Variants in ZNF8 observed in about 807,000 individuals in gnomAD.
The protein encoded by ZNF8 is zinc finger protein 272.
Under a neutral mutation model 12.2 loss-of-function variants are expected in ZNF8, and 9 were observed. The ratio of observed to expected loss-of-function variants is 0.73; its 90% confidence interval spans 0.44 to 1.28. The LOEUF (loss-of-function observed/expected upper bound fraction) is 1.28, where lower values mean the gene tolerates loss of function less well. Among genes scored for constraint, ZNF8 ranks in the 50% most tolerant of loss-of-function variants. The pLI is 0.00. For synonymous variants in ZNF8, 274 were observed against 282.3 expected (o/e 0.97, Z 0.30); for missense variants, 664 against 729.1 (o/e 0.91, Z 1.03).
chr19:58,295,474 A>G lies in ZNF8; in HGVS notation c.1666A>G (p.Ile556Val), dbSNP rs763949918. The change falls in exon 4 of 4, where the codon ATT becomes GTT. Residue 556 changes from isoleucine (I) to valine (V), a missense_variant. Around this residue, in one of 3 missense-constraint regions of ZNF8, gnomAD observed 225 missense variants for 222.0 expected, o/e 1.01. Coordinates refer to ENST00000621650, the MANE Select transcript of ZNF8 (RefSeq NM_021089.3). ...IMQEKNPVHV[I>V]GVEEPSVGAS... ...GCAAGAGAAAAACCCTGTGCACGTT[A>G]TTGGGGTGGAAGAGCCTTCTGTGGG... The G allele has an allele frequency of 1.2e-6, 2 of 1,612,758 alleles. No homozygotes were observed. The highest frequency in any genetic ancestry group is 3.3e-5 in the Admixed American group (2 of 59,968).
chr19:58,285,819 A>G lies in ZNF8; in HGVS notation c.169A>G (p.Thr57Ala), dbSNP rs572894287. 2 of 1,612,912 alleles carry G rather than the reference A, an allele frequency of 1.2e-6. No individual in the cohort carries two copies. The highest frequency in any genetic ancestry group is 1.7e-5 in the Admixed American group (1 of 59,912). The change falls in exon 2 of 4, where the codon ACC becomes GCC. Residue 57 changes from threonine (T) to alanine (A), a missense_variant. Transcript: ENST00000621650. ...CCTCTACCGTGACGTGATGCTGGAG[A>G]CCTTTGGTCACCTGCTCTCCATAGG... ...RILYRDVMLETFGHLLSIGPE... is the reference protein window; with the variant it reads ...RILYRDVMLEAFGHLLSIGPE...
In ZNF8 at chr19:58,291,689, C is replaced by G. The variant is rs148174919; in HGVS notation, c.290-2409C>G. ...AAGTCTTGAGAGATGGATGCCAGTG[C>G]CAGGCAGTGATGAGGCCGTAAAGGA... On this transcript the variant is annotated intron_variant, in intron 3 of 3. Coordinates refer to ENST00000621650, the MANE Select transcript of ZNF8 (RefSeq NM_021089.3). 3.1e-4 allele frequency among the ~76,000 whole-genome samples: 47 copies of G among 152,236 alleles called. No individual in the cohort carries two copies. The East Asian group carries it at 8.5e-3, about 27-fold the overall frequency.
At chr19:58,282,235 G>A (rs2051354780) in intron 1 of ZNF8, among the ~76,000 whole-genome samples, 1 of 152,144 alleles carries the variant, frequency 6.6e-6, no homozygotes, top group African/African-American at 2.4e-5. Flanking sequence ...TAATGATGTT[G>A]AACATCTTTT....
In ZNF8 at chr19:58,301,519, C is replaced by T. The variant is rs2051491410; in HGVS notation, c.*5983C>T. ...AGTTTGGGGCACAGGCTTGGGAATCCAGACAGGAAAGCTCCTCCCCTCTGA... is the reference window on the plus strand; with the variant it reads ...AGTTTGGGGCACAGGCTTGGGAATCTAGACAGGAAAGCTCCTCCCCTCTGA... On this transcript the variant is annotated 3_prime_UTR_variant, in exon 4 of 4. Transcript: ENST00000621650. 2.0e-5 allele frequency: 3 copies of T among 152,384 alleles called. No homozygotes were observed. The highest frequency in any genetic ancestry group is 2.0e-4 in the Admixed American group (3 of 15,278). The allele number at this position is 152,384 out of a possible 1,614,324, so 9.4% of individuals were successfully genotyped here.
chr19:58,286,177 G>A lies in ZNF8; in HGVS notation c.261G>A (p.Glu87=). 1 of 1,612,890 alleles carries A rather than the reference G, an allele frequency of 6.2e-7. No individual in the cohort carries two copies. The highest frequency in any genetic ancestry group is 1.3e-5 in the African/African-American group (1 of 74,680). ...LEQGTELWVA[E]RGTTQGCHPA... ...AAGGGACCGAGCTATGGGTGGCTGA[G>A]AGAGGAACCACCCAGGGCTGCCATC... Residue 87 remains glutamate (E), a synonymous_variant, in exon 3 of 4, where the codon GAG becomes GAA. Coordinates refer to ENST00000621650, the MANE Select transcript of ZNF8 (RefSeq NM_021089.3).
At chr19:58,286,031 G>T in intron 2 of ZNF8, 79 bp from the exon 3 acceptor site, 3 of 1,495,044 alleles carry the variant, frequency 2.0e-6, no homozygotes, top group East Asian at 4.6e-5. Flanking sequence ...CCTCACAGTC[G>T]GGAGTCTGGT....
In ZNF8 at chr19:58,295,654, A is replaced by C. The variant is rs2051450214; in HGVS notation, c.*118A>C. 1.2e-5 allele frequency: 11 copies of C among 935,040 alleles called. No homozygotes were observed. In the South Asian group the frequency reaches 1.7e-4, roughly 14 times the overall value. 57.9% of individuals were successfully genotyped at this position (935,040 alleles called of 1,614,324 possible). Reference sequence around the variant, plus strand: ...TGTCATGGGTGACTTCTGACTTTCTAAGGAAATGATGCTTCCCAAGCACCC... The same window carrying C: ...TGTCATGGGTGACTTCTGACTTTCTCAGGAAATGATGCTTCCCAAGCACCC... On this transcript the variant is annotated 3_prime_UTR_variant, in exon 4 of 4. Transcript: ENST00000621650.
At chr19:58,281,898 A>T (rs1180861250) in intron 1 of ZNF8, among the ~76,000 whole-genome samples, 2 of 152,170 alleles carry the variant, frequency 1.3e-5, no homozygotes, top group Non-Finnish European at 1.5e-5. Context: ...GGATCACTTC[A>T]GGTTAGGAGT....
rs918102665 is a variant in ZNF8 at position 58,301,760 on chromosome 19, G to A, written c.*6224G>A. The A allele has an allele frequency of 3.3e-5, 5 of 152,176 alleles. No homozygotes were observed. The highest frequency in any genetic ancestry group is 7.4e-5 in the Non-Finnish European group (5 of 68,026). The allele number at this position is 152,176 out of a possible 1,614,324, so 9.4% of individuals were successfully genotyped here. On this transcript the variant is annotated 3_prime_UTR_variant, in exon 4 of 4. Transcript: ENST00000621650. ...AATCAACTGGAACTCAACAAGCCTTGAGTTCTCAAAGGGGGTGTGGGAAGG... is the reference window on the plus strand; with the variant it reads ...AATCAACTGGAACTCAACAAGCCTTAAGTTCTCAAAGGGGGTGTGGGAAGG...
In ZNF8 at chr19:58,295,836, G is replaced by A. The variant is rs1421252217; in HGVS notation, c.*300G>A. The A allele has an allele frequency of 6.3e-6, 2 of 319,972 alleles. No homozygotes were observed. Among genetic ancestry groups the A allele is most frequent in the Non-Finnish European group, 1.1e-5 (2 of 174,464 alleles). 19.8% of individuals were successfully genotyped at this position (319,972 alleles called of 1,614,324 possible). On this transcript the variant is annotated 3_prime_UTR_variant, in exon 4 of 4. Coordinates refer to ENST00000621650, the MANE Select transcript of ZNF8 (RefSeq NM_021089.3). ...TCAATATGCGGCCCCATTTTGTAAA[G>A]GATCATTAAAATGAAAGTAATTTAT...
Position 58,294,135 on chromosome 19 carries a change from G to C in ZNF8, c.327G>C (p.Lys109Asn). 6.2e-7 allele frequency: 1 copy of C among 1,607,566 alleles called. No individual in the cohort carries two copies. The highest frequency in any genetic ancestry group is 1.3e-5 in the African/African-American group (1 of 74,924). ...GATCTGAAAGCCAAGCATCACGCAA[G>C]GAAGAGGGCCTGCCTGAAGAGGAGC... ...EPRSESQASR[K>N]EEGLPEEEPS... The change falls in exon 4 of 4, where the codon AAG becomes AAC. Residue 109 changes from lysine to asparagine, a missense_variant. This residue lies in a region of ZNF8 where 306 missense variants were observed against 308.7 expected (regional missense o/e 0.99). Transcript: ENST00000621650. This position sits in a 1 kb window ranked among gnomAD's most constrained non-coding sequence, Gnocchi z 5.5.
chr19:58,289,591 C>T (rs1345183063), intron 3 of ZNF8, among the ~76,000 whole-genome samples: 1 of 151,964 alleles, frequency 6.6e-6, no homozygotes, highest in Admixed American at 6.6e-5. Context: ...CCTCTGACGG[C>T]GCCCAGAGAG....
At chr19:58,287,865 C>CTTTTTTTTTT (rs35762006) in intron 3 of ZNF8, among the ~76,000 whole-genome samples, 1 of 115,678 alleles carries the variant, frequency 8.6e-6, no homozygotes, top group Non-Finnish European at 1.7e-5. Context: ...TTCTTTCTTC[C>CTTTTTTTTTT]TTTTTTTTTT....
rs926306576 is a variant in ZNF8 at position 58,298,413 on chromosome 19, C to T, written c.*2877C>T. 1 of 152,336 alleles carries T rather than the reference C, an allele frequency of 6.6e-6. No individual in the cohort carries two copies. Among genetic ancestry groups the T allele is most frequent in the African/African-American group, 2.4e-5 (1 of 41,412 alleles). 9.4% of individuals were successfully genotyped at this position (152,336 alleles called of 1,614,324 possible). On this transcript the variant is annotated 3_prime_UTR_variant, in exon 4 of 4. Coordinates refer to ENST00000621650, the MANE Select transcript of ZNF8 (RefSeq NM_021089.3). ...AATCTTGGCTCACTGCAACCTCCGC[C>T]TCCCGGGTTCAAGCAGTTCTCATGC...
At chr19:58,290,588 C>T (rs2051413646) in intron 3 of ZNF8, among the ~76,000 whole-genome samples, 1 of 151,890 alleles carries the variant, frequency 6.6e-6, no homozygotes, top group Admixed American at 6.6e-5. Flanking sequence ...AAGAAGACCG[C>T]GTCTCTACAA....
chr19:58,290,842 A>G (rs1045668362), intron 3 of ZNF8, among the ~76,000 whole-genome samples: 1 of 152,132 alleles, frequency 6.6e-6, no homozygotes, highest in Non-Finnish European at 1.5e-5. Flanking sequence ...CTTGAGTCCA[A>G]GAGTTCAAGA....
rs2051443648 is a variant in ZNF8 at position 58,294,936 on chromosome 19, A to C, written c.1128A>C (p.Lys376Asn). ...CATACACCTGCAGTGTGTGTGGGAA[A>C]TCCTTCTCTCGGACCACTTGCCTTT... Reference protein sequence around the residue: ...EKPYTCSVCGKSFSRTTCLFL... With the variant: ...EKPYTCSVCGNSFSRTTCLFL... The change falls in exon 4 of 4, where the codon AAA (lysine) becomes AAC (asparagine). Residue 376 changes from lysine (K) to asparagine (N), a missense_variant. By Grantham distance (94) the Lys-to-Asn change is moderately conservative (BLOSUM62 0). Transcript: ENST00000621650. This position sits in a 1 kb window ranked among gnomAD's most constrained non-coding sequence, Gnocchi z 5.5. The C allele has an allele frequency of 6.2e-7, 1 of 1,613,994 alleles. No individual in the cohort carries two copies. Among genetic ancestry groups the C allele is most frequent in the Non-Finnish European group, 8.5e-7 (1 of 1,180,022 alleles).
chr19:58,285,462 G>C (rs1452968991), intron 1 of ZNF8, among the ~76,000 whole-genome samples: 1 of 152,268 alleles, frequency 6.6e-6, no homozygotes, highest in Admixed American at 6.5e-5. Flanking sequence ...TGGTACCCTC[G>C]TCTGTCTTGT....
intron 1 of ZNF8, chr19:58,280,159 C>A: frequency 3.2e-6 from 1 of 310,150 alleles, no homozygotes; most frequent in Non-Finnish European, 6.3e-6. Flanking sequence ...CGAGTTCTGA[C>A]AGGAGTAATG....
Sources: allele counts gnomAD v4.1 joint callset (sites outside exome capture counted in the v4.1 genomes callset), GRCh38; gene constraint gnomAD v4.1.1; regional missense constraint gnomAD v4.1.1; non-coding constraint Gnocchi (gnomAD v3.1); transcripts MANE v1.5; gene names NCBI Gene and HGNC (gene_info 2026-07-23, HGNC 2026-07-21).